TC2N: variants seen among roughly 807,000 people sequenced by gnomAD.
TC2N encodes tandem C2 domains nuclear protein.
In TC2N, 51 loss-of-function variants were observed where a neutral mutation model predicts 61.9. The observed-to-expected ratio is 0.82, with a 90% CI of 0.66 to 1.04. TC2N has a LOEUF of 1.04. TC2N is among the 50% of genes least tolerant of loss of function. The pLI, the probability that TC2N is intolerant of heterozygous loss-of-function variation, is 0.00. For missense variants in TC2N, 556 were observed against 566.7 expected (o/e 0.98, Z 0.19); for synonymous variants, 204 against 192.6 (o/e 1.06, Z -0.49).
intron 3 of TC2N, among the ~76,000 whole-genome samples, chr14:91,804,497 A>C (rs1412194020): frequency 6.6e-6 from 1 of 152,192 alleles, no homozygotes; most frequent in African/African-American, 2.4e-5. Context: ...AATTCCTTAT[A>C]ATATGCTACA....
intron 1 of TC2N, among the ~76,000 whole-genome samples, chr14:91,818,222 T>G (rs961375539): frequency 6.6e-6 from 1 of 151,814 alleles, no homozygotes; most frequent in Non-Finnish European, 1.5e-5. Context: ...CAGAGAACAA[T>G]GGAGATCAGC....
chr14:91,780,258 T>C lies in TC2N; in HGVS notation c.*2842A>G, dbSNP rs2139812444. ...TTCTGAAATCCTTCATAAGCAAGTA[T>C]TTGATTAAACAAAAATGGAAAATGT... is the stretch of plus-strand genomic sequence containing the variant. On this transcript the variant is annotated 3_prime_UTR_variant, in exon 12 of 12. Transcript: ENST00000435962. 6.6e-6 allele frequency: 1 copy of C among 152,234 alleles called. No homozygotes were observed. Among genetic ancestry groups the C allele is most frequent in the East Asian group, 1.9e-4 (1 of 5,206 alleles). 9.4% of individuals were successfully genotyped at this position (152,234 alleles called of 1,614,324 possible).
intron 1 of TC2N, among the ~76,000 whole-genome samples, chr14:91,825,021 CTTTTCTTT>C (rs1887428458): frequency 1.1e-5 from 1 of 94,864 alleles, no homozygotes; most frequent in African/African-American, 3.8e-5. Flanking sequence ...TTTTCTTTTT[CTTTTCTTT>C]TTTTTTTTTT....
intron 8 of TC2N, among the ~76,000 whole-genome samples, chr14:91,796,121 A>G (rs943831482): frequency 6.6e-6 from 1 of 152,032 alleles, no homozygotes; most frequent in Non-Finnish European, 1.5e-5. Context: ...TGAAAATCAA[A>G]AAGTAAAATT....
At chr14:91,820,246 A>G (rs1323705293) in intron 1 of TC2N, among the ~76,000 whole-genome samples, 1 of 152,110 alleles carries the variant, frequency 6.6e-6, no homozygotes, top group African/African-American at 2.4e-5. Context: ...GGCAAGCCAA[A>G]TCCAGAAACG....
intron 1 of TC2N, among the ~76,000 whole-genome samples, chr14:91,829,838 T>C (rs1411436775): frequency 1.3e-5 from 2 of 152,186 alleles, no homozygotes; most frequent in East Asian, 3.8e-4. Context: ...CTGCATTTGT[T>C]TACCAGACCA....
At chr14:91,789,916 C>T (rs2139826594) in intron 9 of TC2N, among the ~76,000 whole-genome samples, 1 of 152,208 alleles carries the variant, frequency 6.6e-6, no homozygotes, top group South Asian at 2.1e-4. Context: ...AAATGCTGAG[C>T]ATCATTAGAG....
Position 91,783,086 on chromosome 14 carries a change from A to C in TC2N, c.*14T>G. The C allele has an allele frequency of 6.8e-7, 1 of 1,469,814 alleles. No homozygotes were observed. Among genetic ancestry groups the C allele is most frequent in the Non-Finnish European group, 9.5e-7 (1 of 1,051,848 alleles). 91.0% of individuals were successfully genotyped at this position (1,469,814 alleles called of 1,614,324 possible). A position where few individuals can be genotyped will look rare whatever the true frequency, so the allele number is the denominator to read the frequency against. ...AGAATGTCAAGTTCTTCACCAAATT[A>C]ATGTGTGAAGTCTTCAAGATGGATT... On this transcript the variant is annotated 3_prime_UTR_variant, in exon 12 of 12. Transcript: ENST00000435962.
At chr14:91,854,418 G>A (rs1334265840) in intron 1 of TC2N, among the ~76,000 whole-genome samples, 1 of 135,308 alleles carries the variant, frequency 7.4e-6, no homozygotes, top group African/African-American at 2.9e-5. Flanking sequence ...GGAGGAGGAG[G>A]GGGAGGGGGA....
At chr14:91,840,152 T>C (rs568175041) in intron 1 of TC2N, among the ~76,000 whole-genome samples, 2 of 152,334 alleles carry the variant, frequency 1.3e-5, no homozygotes, top group Admixed American at 6.5e-5. Context: ...GGGTCCTTGA[T>C]TGGCTTCATA....
Position 91,813,831 on chromosome 14 carries a change from G to C in TC2N, c.-56-6C>G, listed in dbSNP as rs1156337849. On this transcript the variant is annotated splice_polypyrimidine_tract_variant and splice_region_variant and intron_variant, in intron 1 of 11. Coordinates refer to ENST00000435962, the MANE Select transcript of TC2N (RefSeq NM_001128596.3). ...CTTCCAATCTTAATATTAATCTGTT[G>C]GTAGAATAGAAAACAAGTTAACCTG... 8.4e-6 allele frequency: 10 copies of C among 1,190,834 alleles called. No homozygotes were observed. Among genetic ancestry groups the C allele is most frequent in the Non-Finnish European group, 1.2e-5 (10 of 809,780 alleles). 73.8% of individuals were successfully genotyped at this position (1,190,834 alleles called of 1,614,324 possible).
chr14:91,806,780 C>T (rs1886527076), intron 3 of TC2N, among the ~76,000 whole-genome samples: 1 of 152,128 alleles, frequency 6.6e-6, no homozygotes, highest in Non-Finnish European at 1.5e-5. Context: ...ATTCAAGCCA[C>T]CTGCAGAAAT....
intron 1 of TC2N, among the ~76,000 whole-genome samples, chr14:91,847,295 A>G (rs1263064510): frequency 2.6e-5 from 4 of 152,084 alleles, no homozygotes; most frequent in African/African-American, 4.8e-5. Context: ...AGTTTCTGCA[A>G]TGGTTTAAAT....
chr14:91,823,520 C>CA (rs1179827262), intron 1 of TC2N, among the ~76,000 whole-genome samples: 2,649 of 16,356 alleles, frequency 0.16, 98 homozygotes, highest in African/African-American at 0.26. Context: ...AATTCCATCT[C>CA]AAAAAAAAAA....
chr14:91,838,127 G>C (rs1056749642), intron 1 of TC2N, among the ~76,000 whole-genome samples: 1 of 149,338 alleles, frequency 6.7e-6, no homozygotes, highest in African/African-American at 2.5e-5. Context: ...TATTCATTCT[G>C]TCTCTCTCTC....
At chr14:91,833,946 C>T (rs1034350439) in intron 1 of TC2N, among the ~76,000 whole-genome samples, 1 of 152,022 alleles carries the variant, frequency 6.6e-6, no homozygotes, top group African/African-American at 2.4e-5. Context: ...AAACTTTCAA[C>T]GAAGACTGAA....
At chr14:91,857,134 T>C (rs1353276418) in intron 1 of TC2N, among the ~76,000 whole-genome samples, 1 of 152,220 alleles carries the variant, frequency 6.6e-6, no homozygotes, top group African/African-American at 2.4e-5. Context: ...TAAAGGCAGT[T>C]GGCCCTCATG....
At chr14:91,786,197 T>A (rs1338141927) in intron 10 of TC2N, among the ~76,000 whole-genome samples, 2 of 152,214 alleles carry the variant, frequency 1.3e-5, no homozygotes, top group Admixed American at 6.5e-5. Context: ...GGGAAGCCCG[T>A]CATAAACAGC....
At chr14:91,803,579 A>C (rs1191497798) in intron 3 of TC2N, among the ~76,000 whole-genome samples, 2 of 151,946 alleles carry the variant, frequency 1.3e-5, no homozygotes, top group Admixed American at 1.3e-4. Flanking sequence ...CAGCCTCCGA[A>C]GTAGCTGGGA....
Sources: allele counts gnomAD v4.1 joint callset (sites outside exome capture counted in the v4.1 genomes callset), GRCh38; gene constraint gnomAD v4.1.1; transcripts MANE v1.5; gene names NCBI Gene and HGNC (gene_info 2026-07-23, HGNC 2026-07-21).